The following CPD variants were observed in gnomAD, a reference collection of about 807,000 sequenced individuals.
CPD encodes the protein carboxypeptidase D, also known as metallocarboxypeptidase D.
A neutral mutation model predicts 138.3 loss-of-function variants in CPD; 69 were observed. That is an observed-to-expected ratio of 0.50 (90% CI 0.41 to 0.61). The LOEUF is 0.61. CPD is among the 20% of genes least tolerant of loss of function. The pLI is 0.00. For synonymous variants in CPD, 651 were observed against 642.1 expected (o/e 1.01, Z -0.21); for missense variants, 1,432 against 1,733.3 (o/e 0.83, Z 3.09).
At chr17:30,456,554 G>A in intron 17 of CPD, 28 bp downstream of exon 17, 2 of 1,607,234 alleles carry the variant, frequency 1.2e-6, no homozygotes, top group Non-Finnish European at 1.7e-6. Context: ...TGGTTAGAAT[G>A]GAGTTATGGC....
intron 2 of CPD, among the ~76,000 whole-genome samples, chr17:30,395,727 A>T (rs1911489240): frequency 7.0e-6 from 1 of 142,348 alleles, no homozygotes; most frequent in Non-Finnish European, 1.6e-5. Flanking sequence ...GTACATTTAA[A>T]AAAAAAAAAA....
At chr17:30,406,002 C>T (rs1045574262) in intron 2 of CPD, among the ~76,000 whole-genome samples, 1 of 152,030 alleles carries the variant, frequency 6.6e-6, no homozygotes, top group African/African-American at 2.4e-5. Flanking sequence ...TATTATACTT[C>T]ATCCTATACA....
At chr17:30,420,418 C>A (rs1181410665) in intron 2 of CPD, among the ~76,000 whole-genome samples, 2 of 152,080 alleles carry the variant, frequency 1.3e-5, no homozygotes, top group Non-Finnish European at 2.9e-5. Flanking sequence ...ATCTTAATTT[C>A]TTTGTGCCCT....
Position 30,461,222 on chromosome 17 carries a change from T to C in CPD, c.3541T>C (p.Tyr1181His), listed in dbSNP as rs1480991226. The change falls in exon 18 of 21, where the codon TAC becomes CAC. Residue 1181 changes from tyrosine to histidine, a missense_variant. By Grantham distance (83) the Tyr-to-His change is moderately conservative. This residue lies in a region of CPD where 366 missense variants were observed against 518.8 expected (regional missense o/e 0.71). Transcript: ENST00000225719. ...TGGCCATTGTCCGGAAATCACAGTA[T>C]ACACAAGCTGCTGTTACTTTCCTAG... is the stretch of plus-strand genomic sequence containing the variant. The part of the protein sequence containing the change: ...TYGHCPEITV[Y>H]TSCCYFPSAA... The C allele has an allele frequency of 1.2e-6, 2 of 1,611,506 alleles. No homozygotes were observed. Among genetic ancestry groups the C allele is most frequent in the Non-Finnish European group, 1.7e-6 (2 of 1,178,720 alleles).
Position 30,431,842 on chromosome 17 carries a change from T to C in CPD, c.2088T>C (p.Asp696=). ...TTGCCACATATAGTAAATCACCAGA[T>C]GATGCTGTGTTCCAACAAATAGCAC... ...QGLATYSKSP[D]DAVFQQIALS... Residue 696 remains aspartate (D), a synonymous_variant, in exon 8 of 21, where the codon GAT becomes GAC. Transcript: ENST00000225719. 5 of 1,612,744 alleles carry C rather than the reference T, an allele frequency of 3.1e-6. No individual in the cohort carries two copies. Among genetic ancestry groups the C allele is most frequent in the Non-Finnish European group, 4.2e-6 (5 of 1,179,264 alleles).
At chr17:30,430,841 C>T (rs1033479981) in intron 7 of CPD, among the ~76,000 whole-genome samples, 2 of 151,642 alleles carry the variant, frequency 1.3e-5, no homozygotes, top group Non-Finnish European at 2.9e-5. Context: ...TTTGTAGAGA[C>T]AGGGTCTCCC....
intron 10 of CPD, among the ~76,000 whole-genome samples, chr17:30,442,678 T>C (rs910506436): frequency 2.6e-5 from 4 of 152,198 alleles, no homozygotes; most frequent in South Asian, 2.1e-4. Context: ...AAGAAAATGA[T>C]TGAACAAGGT....
intron 8 of CPD, among the ~76,000 whole-genome samples, chr17:30,437,405 C>G (rs749864768): frequency 1.3e-5 from 2 of 151,980 alleles, no homozygotes; most frequent in Non-Finnish European, 1.5e-5. Flanking sequence ...ATATACCAAG[C>G]CCGGTGTGAT....
Position 30,461,153 on chromosome 17 carries a change from C to T in CPD, c.3499-27C>T, listed in dbSNP as rs577137775. ...TTTCTTTTACTTATTAATTTTCCCA[C>T]ATTTGATTTTGAACTTTATATTCTA... On this transcript the variant is annotated intron_variant, in intron 17 of 20. Coordinates refer to ENST00000225719, the MANE Select transcript of CPD (RefSeq NM_001304.5). 4 of 1,543,490 alleles carry T rather than the reference C, an allele frequency of 2.6e-6. No individual in the cohort carries two copies. The East Asian group carries it at 9.2e-5, about 36-fold the overall frequency.
chr17:30,381,512 C>G (rs1019553876), intron 1 of CPD, among the ~76,000 whole-genome samples: 1 of 152,156 alleles, frequency 6.6e-6, no homozygotes, highest in Non-Finnish European at 1.5e-5. Context: ...ATGTAACTCT[C>G]ATTAATCAAA....
intron 2 of CPD, among the ~76,000 whole-genome samples, chr17:30,398,797 A>G (rs1441280753): frequency 6.6e-6 from 1 of 151,760 alleles, no homozygotes; most frequent in Non-Finnish European, 1.5e-5. Context: ...ATTTGGTTCC[A>G]TGTTTTAAAA....
intron 2 of CPD, among the ~76,000 whole-genome samples, chr17:30,396,789 GTTTC>G (rs1367519232): frequency 6.6e-6 from 1 of 151,960 alleles, no homozygotes; most frequent in African/African-American, 2.4e-5. Flanking sequence ...TGAATGGTAG[GTTTC>G]TTTCTTTCCT....
chr17:30,422,187 C>G (rs549519104), intron 4 of CPD, among the ~76,000 whole-genome samples: 3 of 152,244 alleles, frequency 2.0e-5, no homozygotes, highest in Admixed American at 2.0e-4. Flanking sequence ...TATCAGCTTT[C>G]TAATATATTA....
intron 2 of CPD, among the ~76,000 whole-genome samples, chr17:30,413,342 A>G (rs1912017575): frequency 6.6e-6 from 1 of 152,234 alleles, no homozygotes; most frequent in African/African-American, 2.4e-5. Flanking sequence ...TAGGAAAATC[A>G]GCATCTTACC....
intron 2 of CPD, among the ~76,000 whole-genome samples, chr17:30,395,952 T>C (rs1911495321): frequency 6.6e-6 from 1 of 152,188 alleles, no homozygotes; most frequent in African/African-American, 2.4e-5. Context: ...ATTTGATCAA[T>C]GTGAACTTGA....
At chr17:30,442,709 G>A (rs943319001) in intron 10 of CPD, among the ~76,000 whole-genome samples, 5 of 152,024 alleles carry the variant, frequency 3.3e-5, no homozygotes, top group Admixed American at 2.0e-4. Flanking sequence ...TGCTCTTAAG[G>A]GTTAGTGGTC....
chr17:30,456,956 T>C (rs1056776236), intron 17 of CPD: 2 of 165,204 alleles, frequency 1.2e-5, no homozygotes, highest in Non-Finnish European at 1.3e-5. Flanking sequence ...GCCTCATGGC[T>C]TTCTTGACAT....
intron 2 of CPD, among the ~76,000 whole-genome samples, chr17:30,403,147 T>C (rs1042672430): frequency 6.6e-6 from 1 of 152,168 alleles, no homozygotes; most frequent in Non-Finnish European, 1.5e-5. Flanking sequence ...ACTTGTCTGT[T>C]TGTGCCATCA....
Position 30,420,969 on chromosome 17 carries a change from A to T in CPD, c.1123A>T (p.Thr375Ser). 6.2e-7 allele frequency: 1 copy of T among 1,613,210 alleles called. No homozygotes were observed. The highest frequency in any genetic ancestry group is 8.5e-7 in the Non-Finnish European group (1 of 1,179,486). ...EWENNRESLI[T>S]LIEKVHIGVK... Reference sequence around the variant, plus strand: ...GGAGAACAATCGTGAGTCTTTGATCACATTGATTGAAAAGGTAAAAGTAGA... The same window carrying T: ...GGAGAACAATCGTGAGTCTTTGATCTCATTGATTGAAAAGGTAAAAGTAGA... The change falls in exon 3 of 21, where the codon ACA becomes TCA. Residue 375 changes from threonine (T) to serine (S), a missense_variant. Transcript: ENST00000225719.
Sources: allele counts gnomAD v4.1 joint callset (sites outside exome capture counted in the v4.1 genomes callset), GRCh38; gene constraint gnomAD v4.1.1; regional missense constraint gnomAD v4.1.1; transcripts MANE v1.5; gene names NCBI Gene and HGNC (gene_info 2026-07-23, HGNC 2026-07-21).